Variants in CACNG2 observed in about 807,000 individuals in gnomAD.
The protein encoded by CACNG2 is calcium voltage-gated channel auxiliary subunit gamma 2.
Under a neutral mutation model 25.9 loss-of-function variants are expected in CACNG2, and 3 were observed. The observed-to-expected ratio is 0.12, with a 90% confidence interval of 0.05 to 0.30. The LOEUF (loss-of-function observed/expected upper bound fraction) is 0.30, where lower values mean the gene tolerates loss of function less well. Among genes scored for constraint, CACNG2 ranks in the 10% least tolerant of loss-of-function variants. The pLI is 1.00. For synonymous variants in CACNG2, 167 were observed against 173.3 expected (o/e 0.96, Z 0.29); for missense variants, 341 against 432.5 (o/e 0.79, Z 1.88).
At chr22:36,656,656 C>G (rs1327422537) in intron 1 of CACNG2, among the ~76,000 whole-genome samples, 2 of 152,212 alleles carry the variant, frequency 1.3e-5, no homozygotes, top group Admixed American at 1.3e-4. Context: ...TGCTCTGGCC[C>G]CTGCTGCGTC....
chr22:36,568,989 A>G (rs1935178629), intron 2 of CACNG2, among the ~76,000 whole-genome samples: 1 of 152,070 alleles, frequency 6.6e-6, no homozygotes, highest in Non-Finnish European at 1.5e-5. Flanking sequence ...CTTGCAAATC[A>G]TTGCTAAGAC....
chr22:36,584,390 G>A (rs916015112), intron 2 of CACNG2: 38 of 152,456 alleles, frequency 2.5e-4, no homozygotes, highest in African/African-American at 7.9e-4. Context: ...GGAAGCAGAG[G>A]TTTGGCATTA....
chr22:36,581,969 G>T (rs909845360), intron 2 of CACNG2, among the ~76,000 whole-genome samples: 1 of 152,146 alleles, frequency 6.6e-6, no homozygotes. Context: ...CACCATCCTT[G>T]CCTCCTTCCT....
chr22:36,591,865 G>A (rs962155849), intron 1 of CACNG2, among the ~76,000 whole-genome samples: 4 of 151,944 alleles, frequency 2.6e-5, no homozygotes, highest in Non-Finnish European at 5.9e-5. Flanking sequence ...TGGTGGGAGG[G>A]TGTAACACTT....
chr22:36,571,885 A>AC (rs901369479), intron 2 of CACNG2, among the ~76,000 whole-genome samples: 4 of 148,490 alleles, frequency 2.7e-5, no homozygotes, highest in African/African-American at 9.9e-5. Context: ...TCAAAAACAA[A>AC]AAAAAAAAAA....
intron 1 of CACNG2, among the ~76,000 whole-genome samples, chr22:36,655,099 A>C (rs1168523719): frequency 6.6e-6 from 1 of 152,136 alleles, no homozygotes; most frequent in African/African-American, 2.4e-5. Context: ...GAAGTGAGAA[A>C]TGTCTCTGTG....
intron 2 of CACNG2, among the ~76,000 whole-genome samples, chr22:36,583,039 A>G (rs547241744): frequency 6.6e-6 from 1 of 152,124 alleles, no homozygotes; most frequent in Non-Finnish European, 1.5e-5. Flanking sequence ...GGTGGGGCTC[A>G]GGTTGGTCCA....
At chr22:36,595,366 G>T (rs1935663938) in intron 1 of CACNG2, among the ~76,000 whole-genome samples, 1 of 152,180 alleles carries the variant, frequency 6.6e-6, no homozygotes, top group South Asian at 2.1e-4. Flanking sequence ...TGTCTTCCCA[G>T]CTCTCGTTAG....
At chr22:36,677,319 C>T (rs1601450591) in intron 1 of CACNG2, among the ~76,000 whole-genome samples, 1 of 152,128 alleles carries the variant, frequency 6.6e-6, no homozygotes, top group African/African-American at 2.4e-5. Flanking sequence ...TTCCAAAATA[C>T]CACCAAATAT....
At chr22:36,573,695 C>T (rs1935269468) in intron 2 of CACNG2, among the ~76,000 whole-genome samples, 1 of 152,174 alleles carries the variant, frequency 6.6e-6, no homozygotes, top group Admixed American at 6.5e-5. Context: ...GAGGTTAAGC[C>T]ATTTGTTCAA....
chr22:36,697,794 G>A (rs1659629314), intron 1 of CACNG2, among the ~76,000 whole-genome samples: 1 of 152,170 alleles, frequency 6.6e-6, no homozygotes, highest in Non-Finnish European at 1.5e-5. Context: ...GCTAAACAGG[G>A]GTGGGCCATT....
At chr22:36,675,150 C>A (rs550777855) in intron 1 of CACNG2, among the ~76,000 whole-genome samples, 1 of 152,166 alleles carries the variant, frequency 6.6e-6, no homozygotes, top group Non-Finnish European at 1.5e-5. Context: ...GATCCTCCTG[C>A]CTCAACTTTC....
In CACNG2 at chr22:36,656,356, G is replaced by A. The variant is rs374503941; in HGVS notation, c.211+46010C>T. ...GAGGATTCTAAGCTGGCCTACAAACGCAGGCTCATTTTTGACTCCTGTCTT... is the reference window on the plus strand; with the variant it reads ...GAGGATTCTAAGCTGGCCTACAAACACAGGCTCATTTTTGACTCCTGTCTT... On this transcript the variant is annotated intron_variant, in intron 1 of 3. Transcript: ENST00000300105. 7.2e-5 allele frequency among the ~76,000 whole-genome samples: 11 copies of A among 152,220 alleles called. 1 individual carries two copies. The South Asian group carries it at 8.3e-4, about 11-fold the overall frequency.
At chr22:36,661,517 A>T (rs1404201372) in intron 1 of CACNG2, among the ~76,000 whole-genome samples, 1 of 151,974 alleles carries the variant, frequency 6.6e-6, no homozygotes, top group Admixed American at 6.6e-5. Context: ...TGAAAACAGA[A>T]CCCTGCTCTG....
At chr22:36,688,700 G>A (rs564476023) in intron 1 of CACNG2, among the ~76,000 whole-genome samples, 9 of 152,188 alleles carry the variant, frequency 5.9e-5, no homozygotes, top group Non-Finnish European at 1.0e-4. Flanking sequence ...GGCCCAGCCC[G>A]CCAGTGGCAG....
At chr22:36,701,143 C>T (rs897256107) in intron 1 of CACNG2, among the ~76,000 whole-genome samples, 4 of 152,136 alleles carry the variant, frequency 2.6e-5, no homozygotes, top group African/African-American at 4.8e-5. Context: ...CCTTGCTTCC[C>T]GACGCTGCCT....
At chr22:36,669,707 C>T (rs973091709) in intron 1 of CACNG2, among the ~76,000 whole-genome samples, 1 of 151,700 alleles carries the variant, frequency 6.6e-6, no homozygotes, top group Admixed American at 6.6e-5. Flanking sequence ...ATTTCATTCT[C>T]TCTCTGTCTC....
At chr22:36,685,764 G>T (rs921218954) in intron 1 of CACNG2, among the ~76,000 whole-genome samples, 1 of 152,250 alleles carries the variant, frequency 6.6e-6, no homozygotes, top group African/African-American at 2.4e-5. Context: ...CTGATTCCAC[G>T]GGAAGCCAAG....
chr22:36,646,688 T>G (rs1439668096), intron 1 of CACNG2, among the ~76,000 whole-genome samples: 1 of 151,864 alleles, frequency 6.6e-6, no homozygotes, highest in African/African-American at 2.4e-5. Flanking sequence ...TCTAGTTGTA[T>G]GCTCTTTTCT....
Sources: gnomAD v4.1 joint callset for allele counts (sites outside exome capture counted in the v4.1 genomes callset) on GRCh38, gnomAD v4.1.1 for gene constraint, MANE v1.5 for transcripts, NCBI Gene and HGNC (gene_info 2026-07-23, HGNC 2026-07-21) for gene names.